The following RUVBL2 variants were observed in gnomAD, a reference collection of about 807,000 sequenced individuals.
RUVBL2 encodes the protein RuvB like AAA ATPase 2.
Under a neutral mutation model 57.9 loss-of-function variants are expected in RUVBL2, and 9 were observed. That is an observed-to-expected ratio of 0.16 (90% CI 0.09 to 0.27). The LOEUF is 0.27. Among genes scored for constraint, RUVBL2 ranks in the 10% least tolerant of loss-of-function variants. RUVBL2 has a pLI of 1.00. For missense variants in RUVBL2, 456 were observed against 669.6 expected (o/e 0.68, Z 3.52); for synonymous variants, 278 against 264.6 (o/e 1.05, Z -0.49).
At chr19:48,993,856 A>C, upstream of RUVBL2, 2 of 1,609,760 alleles carry the variant, frequency 1.2e-6, no homozygotes, top group Non-Finnish European at 1.7e-6. Context: ...GAGCCAGAAC[A>C]TCTCGCTCCT....
rs1303517757 is a variant in RUVBL2, at chr19:49,010,495, T to C, written c.671T>C (p.Phe224Ser). 1.2e-5 allele frequency: 6 copies of C among 520,924 alleles called. No individual in the cohort carries two copies. The highest frequency in any genetic ancestry group is 2.5e-5 in the African/African-American group (1 of 40,326). 32.3% of individuals were successfully genotyped at this position (520,924 alleles called of 1,614,324 possible). ...DYDAMGSQTK[F>S]VQCPDGELQK... ...CCCACCCCCGCCCCATAGACCAAGT[T>C]CGTGCAGTGCCCAGATGGGGAGCTC... is the stretch of plus-strand genomic sequence containing the variant. Residue 224 changes from phenylalanine to serine, a missense_variant, in exon 9 of 15, where the codon TTC becomes TCC. Phe to Ser is a radical substitution (Grantham distance 155). This residue lies in a region of RUVBL2 where 233 missense variants were observed against 306.0 expected (regional missense o/e 0.76). Coordinates refer to ENST00000595090, the MANE Select transcript of RUVBL2 (RefSeq NM_006666.3).
At chr19:49,006,680 C>T (rs771183581) in intron 4 of RUVBL2, among the ~76,000 whole-genome samples, 49 of 152,248 alleles carry the variant, frequency 3.2e-4, no homozygotes, top group Non-Finnish European at 8.8e-5. Context: ...CCCTGGTCCC[C>T]TTCGTCCAGC....
rs73579783 is a variant in RUVBL2 at position 49,007,652 on chromosome 19, G to A, written c.462+284G>A. ...CCCAACAGACTTCAAAACTCGTTCC[G>A]TGGCCGAAAGGCATGTCCTGTCCAT... On this transcript the variant is annotated intron_variant, in intron 6 of 14. Coordinates refer to ENST00000595090, the MANE Select transcript of RUVBL2 (RefSeq NM_006666.3). 7.2e-3 allele frequency among the ~76,000 whole-genome samples: 1,091 copies of A among 152,192 alleles called. 14 individuals carry two copies. The highest frequency in any genetic ancestry group is 0.025 in the African/African-American group (1,036 of 41,524).
chr19:49,015,051 G>A lies in RUVBL2; in HGVS notation c.1152G>A (p.Glu384=). ...AGGAAGAAGATGTGGAGATGAGTGA[G>A]GACGCCTACACGGTGCTGACCCGCA... ...RCEEEDVEMS[E]DAYTVLTRIG... The change falls in exon 13 of 15, where the codon GAG becomes GAA. Residue 384 remains glutamate, a synonymous_variant. Transcript: ENST00000595090. 3 of 1,607,060 alleles carry A rather than the reference G, an allele frequency of 1.9e-6. No individual in the cohort carries two copies. The highest frequency in any genetic ancestry group is 2.5e-6 in the Non-Finnish European group (3 of 1,176,886).
At chr19:49,006,975 G>GGTGCCAGAGC (rs757801253) in intron 4 of RUVBL2, 43 bp from the exon 5 acceptor site, 2 of 1,601,188 alleles carry the variant, frequency 1.2e-6, no homozygotes, top group Non-Finnish European at 1.7e-6. Context: ...TCGGGGACCT[G>GGTGCCAGAGC]GTGCCAGAGC....
intron 1 of RUVBL2, among the ~76,000 whole-genome samples, chr19:48,995,614 C>CA (rs1424200403): frequency 6.6e-6 from 1 of 151,564 alleles, no homozygotes; most frequent in Non-Finnish European, 1.5e-5. Context: ...TTTGGGAGTC[C>CA]GAGGTAGAAG....
At chr19:49,004,469 C>T (rs1437674025) in intron 4 of RUVBL2, 51 bp downstream of exon 4, 2 of 1,555,142 alleles carry the variant, frequency 1.3e-6, no homozygotes, top group East Asian at 2.3e-5. Context: ...TAAATAACTC[C>T]TCCTGTGTAA....
intron 1 of RUVBL2, among the ~76,000 whole-genome samples, chr19:48,995,801 T>C (rs1192690436): frequency 1.3e-5 from 2 of 151,702 alleles, no homozygotes; most frequent in Non-Finnish European, 2.9e-5. Flanking sequence ...CTGGCTAATA[T>C]GGTGAAACCC....
chr19:49,013,389 T>A (rs1208901295), intron 11 of RUVBL2, among the ~76,000 whole-genome samples: 1 of 152,044 alleles, frequency 6.6e-6, no homozygotes, highest in South Asian at 2.1e-4. Flanking sequence ...TGTGCCTTTT[T>A]TTTTTAAACT....
chr19:48,998,695 C>CA (rs2039114679), intron 1 of RUVBL2, among the ~76,000 whole-genome samples: 1 of 142,614 alleles, frequency 7.0e-6, no homozygotes. Context: ...GGCGACAGAG[C>CA]AGACTCCGTC....
At chr19:49,004,194 T>A (rs780271965) in intron 3 of RUVBL2, 83 bp from the exon 4 acceptor site, 1 of 1,567,742 alleles carries the variant, frequency 6.4e-7, no homozygotes, top group Non-Finnish European at 8.6e-7. Flanking sequence ...AATGTCTGCT[T>A]CCATCTCACT....
At chr19:48,996,301 C>T (rs2039058487) in intron 1 of RUVBL2, among the ~76,000 whole-genome samples, 1 of 152,048 alleles carries the variant, frequency 6.6e-6, no homozygotes, top group Admixed American at 6.6e-5. Context: ...ATGCAAAGAT[C>T]CACCATCCAG....
chr19:49,015,946 G>T lies in RUVBL2; in HGVS notation c.*104G>T. The T allele has an allele frequency of 6.2e-7, 1 of 1,614,208 alleles. No individual in the cohort carries two copies. The highest frequency in any genetic ancestry group is 1.6e-4 in the Middle Eastern group (1 of 6,062). On this transcript the variant is annotated 3_prime_UTR_variant, in exon 15 of 15. Transcript: ENST00000595090. ...GCTGCACCCACCCTGTGTATGTGTG[G>T]TTGCCCTGAGCCCACAGAAAGACAC...
chr19:49,009,160 CAAAAAAAAAAAAAAAAAAAAAAAA>C (rs61402282), intron 6 of RUVBL2, among the ~76,000 whole-genome samples: 7 of 21,428 alleles, frequency 3.3e-4, no homozygotes, highest in African/African-American at 1.5e-3. Context: ...GACTCTATCT[CAAAAAAAAAAAAAAAAAAAAAAAA>C]AAAAAAAAAA....
At chr19:49,013,939 C>T (rs955194606) in intron 11 of RUVBL2, among the ~76,000 whole-genome samples, 1 of 152,192 alleles carries the variant, frequency 6.6e-6, no homozygotes, top group South Asian at 2.1e-4. Flanking sequence ...AGACCAGAAA[C>T]ACACAAATGA....
intron 11 of RUVBL2, among the ~76,000 whole-genome samples, chr19:49,013,137 T>C (rs575147628): frequency 6.6e-6 from 1 of 152,274 alleles, no homozygotes; most frequent in Admixed American, 6.5e-5. Context: ...CTAATTTTGG[T>C]ATTTTTAGTA....
chr19:49,006,540 G>T (rs3795044), intron 4 of RUVBL2, among the ~76,000 whole-genome samples: 11,049 of 152,302 alleles, frequency 0.073, 464 homozygotes, highest in Middle Eastern at 0.092. Context: ...GGAGACTGAG[G>T]CTCAGGGAGC....
intron 2 of RUVBL2, among the ~76,000 whole-genome samples, chr19:49,002,976 A>C (rs78964204): frequency 0.017 from 2,554 of 152,326 alleles, 36 homozygotes; most frequent in Non-Finnish European, 0.027. Context: ...AATTGTGATC[A>C]TTAGCCCTTG....
At chr19:49,015,320 C>A in intron 13 of RUVBL2, 170 bp downstream of exon 13, 1 of 833,338 alleles carries the variant, frequency 1.2e-6, no homozygotes, top group Non-Finnish European at 1.9e-6. Context: ...TAGTAGGTAT[C>A]AGTAAATCTC....
Sources: gnomAD v4.1 joint callset for allele counts (sites outside exome capture counted in the v4.1 genomes callset) on GRCh38, gnomAD v4.1.1 for gene constraint, gnomAD v4.1.1 regional missense constraint, MANE v1.5 for transcripts, NCBI Gene and HGNC (gene_info 2026-07-23, HGNC 2026-07-21) for gene names.